The following ZNF536 variants were observed in gnomAD, a reference collection of about 807,000 sequenced individuals.
The protein encoded by ZNF536 is zinc finger protein 536.
In ZNF536, 13 loss-of-function variants were observed where a neutral mutation model predicts 84.5. That is an observed-to-expected ratio of 0.15 (90% CI 0.10 to 0.24). The LOEUF (loss-of-function observed/expected upper bound fraction) is 0.24. Ranked by LOEUF, ZNF536 falls within the 10% of genes least tolerant of loss-of-function variation. The pLI, the probability that ZNF536 is intolerant of heterozygous loss-of-function variation, is 1.00. For missense variants in ZNF536, 1,536 were observed against 1,747.5 expected, an observed-to-expected ratio of 0.88 and a Z score of 2.16; for synonymous variants, 811 against 742.5, an observed-to-expected ratio of 1.09 and a Z score of -1.50.
rs182099899 is a variant in ZNF536, at chr19:30,682,525, C to A, written c.170-28232C>A. Reference sequence around the variant, plus strand: ...AGAAGGAGGCAATTCAGATACGACACCCCTTTCTTTGGAAGGGTGCCTTCC... The same window carrying A: ...AGAAGGAGGCAATTCAGATACGACAACCCTTTCTTTGGAAGGGTGCCTTCC... On this transcript the variant is annotated intron_variant, in intron 1 of 1. Transcript: ENST00000592773. Among the ~76,000 whole-genome samples the A allele has an allele frequency of 1.7e-3, 257 of 152,318 alleles. 3 individuals carry two copies. The highest frequency in any genetic ancestry group is 2.1e-4 in the Non-Finnish European group (14 of 68,040).
At chr19:30,306,800 G>T (rs934201063) in intron 2 of ZNF536, among the ~76,000 whole-genome samples, 2 of 152,164 alleles carry the variant, frequency 1.3e-5, no homozygotes, top group South Asian at 2.1e-4. Flanking sequence ...AACACTGAAT[G>T]AAATATGAAT....
chr19:30,548,229 G>T lies in ZNF536; in HGVS notation c.2610G>T (p.Ser870=), dbSNP rs149881182. 1.0e-4 allele frequency: 162 copies of T among 1,614,192 alleles called. No homozygotes were observed. The African/African-American group carries it at 1.9e-3, about 19-fold the overall frequency. The change falls in exon 4 of 5, where the codon TCG becomes TCT. Residue 870 remains serine (S), a synonymous_variant. Transcript: ENST00000355537. ...TSGVLSSGDH[S]GQATGMSSEV... Reference sequence around the variant, plus strand: ...GGGTTCTCTCCTCTGGAGATCACTCGGGGCAGGCCACGGGCATGTCTTCGG... The same window carrying T: ...GGGTTCTCTCCTCTGGAGATCACTCTGGGCAGGCCACGGGCATGTCTTCGG...
chr19:30,329,365 A>G lies in ZNF536; in HGVS notation c.-119-23003A>G, dbSNP rs530855422. Among the ~76,000 whole-genome samples, 130 of 150,494 alleles carry G rather than the reference A, an allele frequency of 8.6e-4. 1 individual carries two copies. The highest frequency in any genetic ancestry group is 3.6e-3 in the Admixed American group (55 of 15,152). On this transcript the variant is annotated intron_variant, in intron 2 of 5. Coordinates refer to the ZNF536 transcript ENST00000585628. ...TCAACTTTGCCCTTTGAAGAAAAAT[A>G]TGCTCAGCTGGAATTTTGGAGGTGG...
intron 1 of ZNF536, among the ~76,000 whole-genome samples, chr19:30,580,866 G>A (rs1448428732): frequency 6.6e-6 from 1 of 152,212 alleles, no homozygotes; most frequent in East Asian, 1.9e-4. Context: ...CCATGGATCA[G>A]ATGGGGGCAG....
At chr19:30,245,676 T>C (rs1421405117) in intron 1 of ZNF536, among the ~76,000 whole-genome samples, 1 of 152,162 alleles carries the variant, frequency 6.6e-6, no homozygotes, top group Non-Finnish European at 1.5e-5. Flanking sequence ...CTATTGAAAA[T>C]ATATTAGCGT....
chr19:30,289,867 A>T (rs2045775564), intron 2 of ZNF536, among the ~76,000 whole-genome samples: 1 of 152,212 alleles, frequency 6.6e-6, no homozygotes, highest in Non-Finnish European at 1.5e-5. Context: ...ATTTAAAATA[A>T]TTGCGATAAA....
chr19:30,628,501 T>A (rs1265916735), intron 1 of ZNF536, among the ~76,000 whole-genome samples: 2 of 150,514 alleles, frequency 1.3e-5, no homozygotes, highest in African/African-American at 2.4e-5. Context: ...TGATCTTGGC[T>A]CACTGCAAGC....
chr19:30,603,993 G>A (rs1048209892), intron 1 of ZNF536, among the ~76,000 whole-genome samples: 1 of 152,154 alleles, frequency 6.6e-6, no homozygotes, highest in Non-Finnish European at 1.5e-5. Flanking sequence ...TGAAGACTGA[G>A]GCAGGAGAAT....
At chr19:30,685,343 C>T (rs1014315497) in intron 1 of ZNF536, among the ~76,000 whole-genome samples, 9 of 152,192 alleles carry the variant, frequency 5.9e-5, no homozygotes, top group Admixed American at 2.6e-4. Flanking sequence ...GAGACTCTTT[C>T]TGGATATCTG....
At chr19:30,397,535 C>G (rs11878946) in intron 1 of ZNF536, among the ~76,000 whole-genome samples, 8,342 of 152,264 alleles carry the variant, frequency 0.055, 806 homozygotes, top group African/African-American at 0.19. Flanking sequence ...TTTCTTACAA[C>G]TGAGTGTGAA....
At chr19:30,624,603 G>C (rs1021339115) in intron 1 of ZNF536, among the ~76,000 whole-genome samples, 1 of 152,152 alleles carries the variant, frequency 6.6e-6, no homozygotes, top group Non-Finnish European at 1.5e-5. Context: ...TTTCAGGCTT[G>C]TTCAGTTTTA....
chr19:30,559,668 G>C (rs143389247), downstream of ZNF536, among the ~76,000 whole-genome samples: 19 of 152,182 alleles, frequency 1.2e-4, no homozygotes, highest in Non-Finnish European at 1.9e-4. Context: ...GATGGCATGT[G>C]GGGGGCTGGG....
chr19:30,376,573 G>A (rs138758207), intron 1 of ZNF536, among the ~76,000 whole-genome samples: 1 of 152,186 alleles, frequency 6.6e-6, no homozygotes, highest in African/African-American at 2.4e-5. Flanking sequence ...GAAACAGAAT[G>A]GGCCAGGGTC....
intron 1 of ZNF536, among the ~76,000 whole-genome samples, chr19:30,384,993 C>T (rs1432209149): frequency 1.3e-5 from 2 of 152,020 alleles, no homozygotes; most frequent in Non-Finnish European, 2.9e-5. Flanking sequence ...GCCCTCCAGC[C>T]TGGGCGACAG....
chr19:30,660,304 T>C (rs1237087787), intron 1 of ZNF536, among the ~76,000 whole-genome samples: 1 of 152,162 alleles, frequency 6.6e-6, no homozygotes, highest in Non-Finnish European at 1.5e-5. Flanking sequence ...GCACACACCT[T>C]TCCGAGAGAC....
intron 2 of ZNF536, among the ~76,000 whole-genome samples, chr19:30,334,489 G>T (rs906790878): frequency 2.6e-5 from 4 of 152,098 alleles, no homozygotes; most frequent in Admixed American, 6.6e-5. Flanking sequence ...GGCTAGGGTT[G>T]GTATTAGGAC....
chr19:30,432,311 G>C (rs2051508956), intron 1 of ZNF536, among the ~76,000 whole-genome samples: 1 of 152,128 alleles, frequency 6.6e-6, no homozygotes, highest in Non-Finnish European at 1.5e-5. Flanking sequence ...TAGAGGACCA[G>C]GGGGCTTGGA....
chr19:30,380,208 G>A (rs865961920), intron 1 of ZNF536, among the ~76,000 whole-genome samples: 2 of 151,772 alleles, frequency 1.3e-5, no homozygotes, highest in Admixed American at 6.6e-5. Flanking sequence ...TTTGCCAGCC[G>A]TCAGCCTTTT....
chr19:30,306,556 G>A (rs1166110325), intron 2 of ZNF536, among the ~76,000 whole-genome samples: 1 of 152,212 alleles, frequency 6.6e-6, no homozygotes, highest in Non-Finnish European at 1.5e-5. Context: ...TTGCCTGAAA[G>A]TACATGAGAT....
Sources: gnomAD v4.1 joint callset for allele counts (sites outside exome capture counted in the v4.1 genomes callset) on GRCh38, gnomAD v4.1.1 for gene constraint, MANE v1.5 for transcripts, NCBI Gene and HGNC (gene_info 2026-07-23, HGNC 2026-07-21) for gene names.